P2RX4: variants seen among roughly 807,000 people sequenced by gnomAD.
P2RX4 encodes the protein purinergic receptor P2X 4.
Under a neutral mutation model 48.0 loss-of-function variants are expected in P2RX4, and 37 were observed. The observed-to-expected ratio is 0.77, with a 90% confidence interval of 0.59 to 1.01. The LOEUF is 1.01. Among genes scored for constraint, P2RX4 ranks in the 50% least tolerant of loss-of-function variants. P2RX4 has a pLI of 0.00. For missense variants in P2RX4, 501 were observed against 521.4 expected, an observed-to-expected ratio of 0.96 and a Z score of 0.38; for synonymous variants, 200 against 199.7, an observed-to-expected ratio of 1.00 and a Z score of -0.01.
chr12:121,233,167 C>A, intron 11 of P2RX4, 75 bp downstream of exon 11: 1 of 1,016,448 alleles, frequency 9.8e-7, no homozygotes, highest in Non-Finnish European at 1.5e-6. Flanking sequence ...GTGGGCCTGT[C>A]TGGGGAGGCC....
rs180821103 is a variant in P2RX4 at position 121,227,056 on chromosome 12, C to T, written c.525-1477C>T. The stretch of plus-strand genomic sequence containing the variant: ...CTTGAACCCAGAGGTTGCAGTGAGC[C>T]GAGATCGCGGCATTGCACTCCAGCC... On this transcript the variant is annotated intron_variant, in intron 5 of 11. Transcript: ENST00000337233. 5.0e-4 allele frequency among the ~76,000 whole-genome samples: 75 copies of T among 151,484 alleles called. No homozygotes were observed. In the East Asian group the frequency reaches 0.013, roughly 26 times the overall value.
At chr12:121,228,642 C>T (rs779804294) in intron 6 of P2RX4, 29 bp downstream of exon 6, 11 of 1,612,332 alleles carry the variant, frequency 6.8e-6, no homozygotes, top group Admixed American at 3.3e-5. Flanking sequence ...TGTGAGTTCA[C>T]CAGGGTCTTG....
Position 121,222,904 on chromosome 12 carries a change from C to A in P2RX4, c.428-43C>A, listed in dbSNP as rs969824099. 10 of 1,491,498 alleles carry A rather than the reference C, an allele frequency of 6.7e-6. No individual in the cohort carries two copies. The African/African-American group carries it at 1.2e-4, about 18-fold the overall frequency. 92.4% of individuals were successfully genotyped at this position (1,491,498 alleles called of 1,614,324 possible). On this transcript the variant is annotated intron_variant, in intron 4 of 11. Coordinates refer to ENST00000337233, the MANE Select transcript of P2RX4 (RefSeq NM_002560.3). ...CTCCAAAAAGGTAGAAAATAGGAGA[C>A]CCCTGTGGACATGGGACCCCCCTGC... is the stretch of plus-strand genomic sequence containing the variant.
In P2RX4 at chr12:121,217,782, A is replaced by G. The variant is rs796747153; in HGVS notation, c.282+501A>G. ...CTCTATAAAAAAAAAAAAAAAGAAA[A>G]AAAAAGAAAAGAATTAGAGACCATT... On this transcript the variant is annotated intron_variant, in intron 2 of 11. Transcript: ENST00000337233. Among the ~76,000 whole-genome samples the G allele has an allele frequency of 1.2e-3, 185 of 150,414 alleles. 1 individual carries two copies. Among genetic ancestry groups the G allele is most frequent in the African/African-American group, 4.3e-3 (179 of 41,358 alleles).
At position 121,218,054 on chromosome 12, in the gene P2RX4, C is replaced by A. The variant is rs1057218416; in HGVS notation, c.282+773C>A. Reference sequence around the variant, plus strand: ...AGGGCGACCAGTAGAGATAAGCTGCCAACTCTTGGCTCAGAGCTCTTGCCA... The same window carrying A: ...AGGGCGACCAGTAGAGATAAGCTGCAAACTCTTGGCTCAGAGCTCTTGCCA... On this transcript the variant is annotated intron_variant, in intron 2 of 11. Transcript: ENST00000337233. 3.2e-4 allele frequency among the ~76,000 whole-genome samples: 49 copies of A among 152,144 alleles called. 1 individual carries two copies. Among genetic ancestry groups the A allele is most frequent in the Non-Finnish European group, 1.5e-5 (1 of 68,034 alleles).
Position 121,232,406 on chromosome 12 carries a change from C to A in P2RX4, c.885-8C>A, listed in dbSNP as rs376104818. On this transcript the variant is annotated splice_polypyrimidine_tract_variant and splice_region_variant and intron_variant, in intron 8 of 11. Transcript: ENST00000337233. This position sits in a 1 kb window ranked among gnomAD's most constrained non-coding sequence, Gnocchi z 4.3. ...CATCTCCCCCTGATCCATCCTCCTT[C>A]CCCTCAGGTTTGCCAAGTACTACAG... The A allele has an allele frequency of 6.2e-7, 1 of 1,604,430 alleles. No individual in the cohort carries two copies. Among genetic ancestry groups the A allele is most frequent in the Non-Finnish European group, 8.5e-7 (1 of 1,171,282 alleles).
intron 8 of P2RX4, among the ~76,000 whole-genome samples, chr12:121,231,379 C>T (rs4980998): frequency 0.13 from 19,616 of 152,212 alleles, 1,477 homozygotes; most frequent in East Asian, 0.23. Flanking sequence ...TCACTATATT[C>T]ACAGATAAGT....
rs1323082960 is a variant in P2RX4 at position 121,221,961 on chromosome 12, C to T, written c.331C>T (p.Gln111Ter). Residue 111 changes from glutamine to a stop codon, truncating the protein, a stop_gained, in exon 3 of 12, where the codon CAG (glutamine) becomes TAG (stop). Coordinates refer to ENST00000337233, the MANE Select transcript of P2RX4 (RefSeq NM_002560.3). LOFTEE classifies it high-confidence loss of function. ...VMTNVILTMNQTQGLCPEIPD... is the reference protein window; with the variant it reads ...VMTNVILTMN ...GACCAACGTGATCCTCACCATGAAC[C>T]AGACACAGGGCCTGTGCCCCGAGGT... The T allele has an allele frequency of 6.2e-7, 1 of 1,614,234 alleles. No individual in the cohort carries two copies. Among genetic ancestry groups the T allele is most frequent in the South Asian group, 1.1e-5 (1 of 91,088 alleles).
At chr12:121,231,714 G>T (rs1043736537) in intron 8 of P2RX4, among the ~76,000 whole-genome samples, 4 of 152,044 alleles carry the variant, frequency 2.6e-5, no homozygotes, top group Non-Finnish European at 5.9e-5. Flanking sequence ...TCTTTTTGTT[G>T]TTGTTGTTGT....
chr12:121,211,486 G>T (rs867698141), intron 1 of P2RX4, among the ~76,000 whole-genome samples: 22 of 152,116 alleles, frequency 1.4e-4, no homozygotes, highest in African/African-American at 5.1e-4. Flanking sequence ...CCCACGCGGG[G>T]CTGGCACCTG....
At chr12:121,223,770 C>T (rs760755422) in intron 5 of P2RX4, among the ~76,000 whole-genome samples, 14 of 152,170 alleles carry the variant, frequency 9.2e-5, no homozygotes, top group Non-Finnish European at 1.9e-4. Flanking sequence ...AGGAGAATCT[C>T]GTGCCAGGCT....
At chr12:121,228,296 G>C (rs1887096812) in intron 5 of P2RX4, among the ~76,000 whole-genome samples, 1 of 149,834 alleles carries the variant, frequency 6.7e-6, no homozygotes, top group South Asian at 2.1e-4. Context: ...ACGGGAGGCT[G>C]AGGTGGCAGT....
chr12:121,218,437 T>A (rs891746661), intron 2 of P2RX4, among the ~76,000 whole-genome samples: 14 of 152,152 alleles, frequency 9.2e-5, no homozygotes, highest in African/African-American at 3.4e-4. Context: ...TGAGCCGAGA[T>A]AGTGCCACTG....
chr12:121,220,304 C>G (rs767522125), intron 2 of P2RX4, among the ~76,000 whole-genome samples: 2 of 151,908 alleles, frequency 1.3e-5, no homozygotes, highest in Middle Eastern at 3.2e-3. Context: ...TGCAGACCCC[C>G]CCCTTTTTTT....
At position 121,233,897 on chromosome 12, in the gene P2RX4, C is replaced by T. The variant is rs1006958106; in HGVS notation, c.*348C>T. 4.5e-5 allele frequency: 16 copies of T among 353,582 alleles called. No homozygotes were observed. The highest frequency in any genetic ancestry group is 3.8e-4 in the South Asian group (11 of 29,158). The allele number at this position is 353,582 out of a possible 1,614,324, so 21.9% of individuals were successfully genotyped here. A position where few individuals can be genotyped will look rare whatever the true frequency, so the allele number is the denominator to read the frequency against. ...TGTCTCCAGCTCTCTCCAGGACAGG[C>T]CCAGTCCTCTGAGGCACGGCGGCTC... is the stretch of plus-strand genomic sequence containing the variant. On this transcript the variant is annotated 3_prime_UTR_variant, in exon 12 of 12. Transcript: ENST00000337233.
chr12:121,232,447 C>A lies in P2RX4; in HGVS notation c.918C>A (p.Asn306Lys), dbSNP rs144821260. Residue 306 changes from asparagine (N) to lysine (K), a missense_variant, in exon 9 of 12, where the codon AAC becomes AAA. Coordinates refer to ENST00000337233, the MANE Select transcript of P2RX4 (RefSeq NM_002560.3). This position sits in a 1 kb window ranked among gnomAD's most constrained non-coding sequence, Gnocchi z 4.3. Reference sequence around the variant, plus strand: ...AGTACTACAGAGACCTGGCTGGCAACGAGCAGCGCACGCTCATCAAGGCCT... The same window carrying A: ...AGTACTACAGAGACCTGGCTGGCAAAGAGCAGCGCACGCTCATCAAGGCCT... The part of the protein sequence containing the change: ...FAKYYRDLAG[N>K]EQRTLIKAYG... The A allele has an allele frequency of 1.2e-6, 2 of 1,613,966 alleles. No homozygotes were observed. Among genetic ancestry groups the A allele is most frequent in the African/African-American group, 2.7e-5 (2 of 74,936 alleles).
intron 8 of P2RX4, among the ~76,000 whole-genome samples, chr12:121,230,869 C>T (rs1417916641): frequency 1.3e-5 from 2 of 152,116 alleles, no homozygotes; most frequent in African/African-American, 2.4e-5. Context: ...CCATCCCCTG[C>T]TCATGCGTGT....
At chr12:121,226,260 T>C (rs983854732) in intron 5 of P2RX4, among the ~76,000 whole-genome samples, 11 of 151,990 alleles carry the variant, frequency 7.2e-5, no homozygotes, top group Non-Finnish European at 1.2e-4. Context: ...AGAAATAACA[T>C]TGGCCAGGCA....
At position 121,217,258 on chromosome 12, in the gene P2RX4, G is replaced by A; in HGVS notation, c.259G>A (p.Ala87Thr). ...SKLGFRIWDV[A>T]DYVIPAQEEN... ...ACTTGGATTCCGGATCTGGGATGTG[G>A]CGGATTATGTGATACCAGCTCAGGT... is the stretch of plus-strand genomic sequence containing the variant. The change falls in exon 2 of 12, where the codon GCG (alanine) becomes ACG (threonine). Residue 87 changes from alanine (A) to threonine (T), a missense_variant. Ala to Thr is a moderately conservative substitution (Grantham distance 58). Transcript: ENST00000337233. 1.2e-6 allele frequency: 2 copies of A among 1,614,210 alleles called. No homozygotes were observed. Among genetic ancestry groups the A allele is most frequent in the Non-Finnish European group, 1.7e-6 (2 of 1,180,036 alleles).
Sources: allele counts gnomAD v4.1 joint callset (sites outside exome capture counted in the v4.1 genomes callset), GRCh38; gene constraint gnomAD v4.1.1; non-coding constraint Gnocchi (gnomAD v3.1); transcripts MANE v1.5; gene names NCBI Gene and HGNC (gene_info 2026-07-23, HGNC 2026-07-21).